The following ADAMTSL1 variants were observed in gnomAD, a reference collection of about 807,000 sequenced individuals.
ADAMTSL1 encodes the protein ADAMTS-like protein 1.
ADAMTSL1 carries 126 observed loss-of-function variants against 201.8 expected under a neutral mutation model. The observed-to-expected ratio is 0.62, with a 90% CI of 0.54 to 0.72. The LOEUF is 0.72. Among genes scored for constraint, ADAMTSL1 ranks in the 30% least tolerant of loss-of-function variants. ADAMTSL1 has a pLI of 0.00. For missense variants in ADAMTSL1, 2,679 were observed against 2,277.8 expected, an observed-to-expected ratio of 1.18 and a Z score of -3.59; for synonymous variants, 1,121 against 903.4, an observed-to-expected ratio of 1.24 and a Z score of -4.32.
intron 2 of ADAMTSL1, among the ~76,000 whole-genome samples, chr9:18,378,290 A>G (rs1052080682): frequency 2.0e-5 from 3 of 152,176 alleles, no homozygotes; most frequent in African/African-American, 7.2e-5. Flanking sequence ...TGTCTGGCAC[A>G]TAGTAAACAC....
Position 18,375,203 on chromosome 9 carries a change from A to T in ADAMTSL1, c.208-129626A>T, listed in dbSNP as rs141543329. On this transcript the variant is annotated intron_variant, in intron 2 of 29. Transcript: ENST00000680146. ...GCATTAGGAGAAATGAACTATTCTG[A>T]TAGAGAATAGCCCTTACTGGTTCAT... Among the ~76,000 whole-genome samples the T allele has an allele frequency of 5.9e-5, 9 of 152,342 alleles. No homozygotes were observed. In the East Asian group the frequency reaches 1.5e-3, roughly 26 times the overall value.
chr9:18,208,520 T>A (rs1829745406), intron 2 of ADAMTSL1, among the ~76,000 whole-genome samples: 1 of 152,134 alleles, frequency 6.6e-6, no homozygotes, highest in Non-Finnish European at 1.5e-5. Context: ...TAAGCTGAGA[T>A]TAGAAGAAAT....
rs569500507 is a variant in ADAMTSL1, at chr9:18,642,283, C to A, written c.834+2872C>A. Among the ~76,000 whole-genome samples the A allele has an allele frequency of 4.9e-5, 5 of 102,440 alleles. No homozygotes were observed. In the South Asian group the frequency reaches 1.2e-3, roughly 24 times the overall value. 67.2% of individuals were successfully genotyped at this position (102,440 alleles called of 152,430 possible). On this transcript the variant is annotated intron_variant, in intron 7 of 28. Transcript: ENST00000380548. ...TAAAACAGTGTAATTGAAACAAGTT[C>A]TCTTTTAATTTTTATTAATTAATTT...
At chr9:18,841,649 T>C (rs1436476546) in intron 23 of ADAMTSL1, among the ~76,000 whole-genome samples, 1 of 152,258 alleles carries the variant, frequency 6.6e-6, no homozygotes, top group African/African-American at 2.4e-5. Context: ...AGAATTCGGC[T>C]GTGAATCCAT....
At chr9:17,978,955 T>C (rs1025887322) in intron 1 of ADAMTSL1, among the ~76,000 whole-genome samples, 1 of 51,204 alleles carries the variant, frequency 2.0e-5, no homozygotes, top group African/African-American at 4.9e-5. Context: ...GTATTCTTGG[T>C]TGACAGTTTT....
intron 20 of ADAMTSL1, among the ~76,000 whole-genome samples, chr9:18,808,782 C>A (rs1252735984): frequency 6.6e-6 from 1 of 152,180 alleles, no homozygotes; most frequent in Admixed American, 6.5e-5. Context: ...AGATTTGGGA[C>A]TACCTATCAC....
intron 1 of ADAMTSL1, among the ~76,000 whole-genome samples, chr9:17,937,514 T>C (rs1290073178): frequency 6.6e-6 from 1 of 152,044 alleles, no homozygotes; most frequent in African/African-American, 2.4e-5. Flanking sequence ...ACATTGTTTC[T>C]ATGGGAAAAA....
At chr9:18,208,855 C>T (rs898903326) in intron 2 of ADAMTSL1, among the ~76,000 whole-genome samples, 1 of 152,124 alleles carries the variant, frequency 6.6e-6, no homozygotes, top group Non-Finnish European at 1.5e-5. Flanking sequence ...TTTACCTATG[C>T]CTCTTTCTGG....
rs1478932761 is a variant in ADAMTSL1, at chr9:18,441,380, T to C, written c.208-63449T>C. On this transcript the variant is annotated intron_variant, in intron 2 of 29. Coordinates refer to the ADAMTSL1 transcript ENST00000680146. ...CATTCTTCTAATAGCTGGCCCTCTT[T>C]GGGGAAATCCAGACTACTGAGAGGT... Among the ~76,000 whole-genome samples, 3 of 152,194 alleles carry C rather than the reference T, an allele frequency of 2.0e-5. No homozygotes were observed. The South Asian group carries it at 6.2e-4, about 32-fold the overall frequency.
rs540730345 is a variant in ADAMTSL1, at chr9:18,692,506, C to A, written c.1574+7706C>A. Among the ~76,000 whole-genome samples, 4 of 152,254 alleles carry A rather than the reference C, an allele frequency of 2.6e-5. No homozygotes were observed. In the South Asian group the frequency reaches 8.3e-4, roughly 32 times the overall value. On this transcript the variant is annotated intron_variant, in intron 13 of 28. Transcript: ENST00000380548. Reference sequence around the variant, plus strand: ...GCAGAGCCCTAGAGAGTGACAAAGACAAATTAATGGGATCCTTGTGTGCCA... The same window carrying A: ...GCAGAGCCCTAGAGAGTGACAAAGAAAAATTAATGGGATCCTTGTGTGCCA...
chr9:18,190,676 GTGACTAAAAATT>G (rs1178415150), intron 2 of ADAMTSL1, among the ~76,000 whole-genome samples: 4 of 152,184 alleles, frequency 2.6e-5, no homozygotes, highest in African/African-American at 9.6e-5. Flanking sequence ...TGTTTGAAAT[GTGACTAAAAATT>G]TGACTAAAAT....
chr9:18,081,096 A>G (rs754734732), intron 1 of ADAMTSL1, among the ~76,000 whole-genome samples: 8 of 152,190 alleles, frequency 5.3e-5, no homozygotes, highest in Non-Finnish European at 1.0e-4. Flanking sequence ...AAAAAAGAAA[A>G]CAACATTGCT....
chr9:18,147,909 C>T (rs572937758), intron 1 of ADAMTSL1, among the ~76,000 whole-genome samples: 1 of 152,064 alleles, frequency 6.6e-6, no homozygotes, highest in African/African-American at 2.4e-5. Flanking sequence ...ATTGGAGATA[C>T]CAGCTTCTCT....
At chr9:18,720,818 G>C (rs901790466) in intron 14 of ADAMTSL1, among the ~76,000 whole-genome samples, 1 of 152,138 alleles carries the variant, frequency 6.6e-6, no homozygotes, top group Non-Finnish European at 1.5e-5. Context: ...GTCTCCCCAA[G>C]GGCCCTGCAA....
intron 19 of ADAMTSL1, among the ~76,000 whole-genome samples, chr9:18,779,924 G>A (rs1376889676): frequency 6.6e-6 from 1 of 152,170 alleles, no homozygotes; most frequent in Non-Finnish European, 1.5e-5. Flanking sequence ...GTACTATTGG[G>A]ATTGAAGGGA....
chr9:18,318,773 G>C (rs911046858), intron 2 of ADAMTSL1, among the ~76,000 whole-genome samples: 1 of 152,026 alleles, frequency 6.6e-6, no homozygotes, highest in Non-Finnish European at 1.5e-5. Context: ...CAGTGATTCA[G>C]ATTCAGCAAG....
At chr9:18,832,721 A>C (rs1825065618) in intron 23 of ADAMTSL1, among the ~76,000 whole-genome samples, 1 of 152,178 alleles carries the variant, frequency 6.6e-6, no homozygotes, top group Non-Finnish European at 1.5e-5. Flanking sequence ...TGTTCTTACC[A>C]AGCCTGGTGG....
chr9:18,307,855 T>C (rs1267057889), intron 2 of ADAMTSL1, among the ~76,000 whole-genome samples: 2 of 152,168 alleles, frequency 1.3e-5, no homozygotes, highest in Admixed American at 6.5e-5. Context: ...CTAATAGACA[T>C]CTATAGGACT....
chr9:18,056,020 T>C (rs1822165161), intron 1 of ADAMTSL1, among the ~76,000 whole-genome samples: 1 of 152,204 alleles, frequency 6.6e-6, no homozygotes, highest in East Asian at 1.9e-4. Flanking sequence ...CAGATAACCA[T>C]GAGCAAAAAC....
Sources: gnomAD v4.1 joint callset for allele counts (sites outside exome capture counted in the v4.1 genomes callset) on GRCh38, gnomAD v4.1.1 for gene constraint, MANE v1.5 for transcripts, NCBI Gene and HGNC (gene_info 2026-07-23, HGNC 2026-07-21) for gene names.